DOCK10: variants seen among roughly 807,000 people sequenced by gnomAD.
The protein encoded by DOCK10 is dedicator of cytokinesis 10, also known as dedicator of cytokinesis protein 10.
Under a neutral mutation model 280.1 loss-of-function variants are expected in DOCK10, and 145 were observed. That is an observed-to-expected ratio of 0.52 (90% CI 0.45 to 0.59). The LOEUF is 0.59. Among genes scored for constraint, DOCK10 ranks in the 20% least tolerant of loss-of-function variants. DOCK10 has a pLI of 0.00. For synonymous variants in DOCK10, 915 were observed against 942.2 expected (o/e 0.97, Z 0.53); for missense variants, 2,368 against 2,651.7 (o/e 0.89, Z 2.35).
At chr2:224,843,400 G>A (rs1184853913) in intron 22 of DOCK10, among the ~76,000 whole-genome samples, 1 of 152,148 alleles carries the variant, frequency 6.6e-6, no homozygotes, top group Non-Finnish European at 1.5e-5. Flanking sequence ...AGAAACTGAG[G>A]AGCTGCTGAG....
intron 2 of DOCK10, among the ~76,000 whole-genome samples, chr2:224,921,096 A>ATATATATATATATAT: frequency 3.3e-5 from 1 of 29,972 alleles, no homozygotes; most frequent in Admixed American, 3.3e-4. Flanking sequence ...CTCTATTAAA[A>ATATATATATATATAT]AAAAAAAAAA....
intron 11 of DOCK10, among the ~76,000 whole-genome samples, chr2:224,867,258 C>T (rs920471891): frequency 7.2e-5 from 11 of 152,178 alleles, no homozygotes; most frequent in African/African-American, 1.9e-4. Context: ...AGTGAGAATG[C>T]GGGATCTCAT....
At chr2:224,844,557 G>A (rs1353878241) in intron 22 of DOCK10, among the ~76,000 whole-genome samples, 196 bp downstream of exon 22, 1 of 152,190 alleles carries the variant, frequency 6.6e-6, no homozygotes, top group African/African-American at 2.4e-5. Context: ...TGGTGTCTGG[G>A]CTTAAGGGAT....
At chr2:224,997,285 G>T (rs186180916) in intron 1 of DOCK10, among the ~76,000 whole-genome samples, 1 of 147,936 alleles carries the variant, frequency 6.8e-6, no homozygotes, top group African/African-American at 2.5e-5. Flanking sequence ...AGGCTGGAGT[G>T]CAATGGCATA....
At chr2:224,828,601 AG>A (rs1559504265) in intron 27 of DOCK10, among the ~76,000 whole-genome samples, 2 of 152,186 alleles carry the variant, frequency 1.3e-5, no homozygotes, top group Non-Finnish European at 2.9e-5. Flanking sequence ...TAAGAAGGTC[AG>A]GGGTGTTTCC....
intron 27 of DOCK10, among the ~76,000 whole-genome samples, chr2:224,829,829 G>A (rs1421268980): frequency 2.0e-5 from 3 of 152,132 alleles, no homozygotes; most frequent in Admixed American, 6.5e-5. Flanking sequence ...CTCCTGAAAA[G>A]CCATGGAAGG....
intron 16 of DOCK10, among the ~76,000 whole-genome samples, chr2:224,854,064 T>C (rs1160017024): frequency 1.3e-5 from 2 of 152,220 alleles, no homozygotes; most frequent in African/African-American, 4.8e-5. Flanking sequence ...AAAATGATTT[T>C]GAACCATGGC....
intron 27 of DOCK10, among the ~76,000 whole-genome samples, chr2:224,829,910 A>C (rs1695111612): frequency 6.6e-6 from 1 of 152,220 alleles, no homozygotes; most frequent in Non-Finnish European, 1.5e-5. Flanking sequence ...TGGGAACTGC[A>C]GGGAAGCAGA....
rs760806764 is a variant in DOCK10, at chr2:224,970,679, T to C, written c.124-39011A>G. ...GCATTCTGTATCTCCACAGCATCTG[T>C]TCTGCTCATAGCTTTACTCTACAGA... On this transcript the variant is annotated intron_variant, in intron 1 of 55. Coordinates refer to ENST00000258390, the MANE Select transcript of DOCK10 (RefSeq NM_014689.3). This position sits in a 1 kb window ranked among gnomAD's most constrained non-coding sequence, Gnocchi z 4.6. Among the ~76,000 whole-genome samples, 1 of 152,212 alleles carries C rather than the reference T, an allele frequency of 6.6e-6. No homozygotes were observed. The highest frequency in any genetic ancestry group is 1.9e-4 in the East Asian group (1 of 5,204).
chr2:224,864,820 A>G (rs781103685), intron 12 of DOCK10, 46 bp downstream of exon 12: 83 of 1,609,454 alleles, frequency 5.2e-5, no homozygotes, highest in Middle Eastern at 1.6e-4. Flanking sequence ...GGTAAGAATA[A>G]TGGTACAAGC....
At chr2:224,887,403 T>C (rs1007997568) in intron 4 of DOCK10, among the ~76,000 whole-genome samples, 3 of 152,186 alleles carry the variant, frequency 2.0e-5, no homozygotes, top group African/African-American at 7.2e-5. Context: ...TGCATTTCCA[T>C]GGTATCCTAG....
intron 1 of DOCK10, among the ~76,000 whole-genome samples, chr2:224,962,426 G>A (rs989133476): frequency 6.6e-6 from 1 of 152,160 alleles, no homozygotes; most frequent in Admixed American, 6.5e-5. Flanking sequence ...GGGAAAATAT[G>A]GAACATGAGA....
chr2:224,874,461 C>G, intron 9 of DOCK10, 112 bp from the exon 10 acceptor site: 1 of 941,764 alleles, frequency 1.1e-6, no homozygotes, highest in African/African-American at 1.7e-5. Context: ...TTAGTATTAC[C>G]CATTAACACT....
At chr2:224,966,275 A>C (rs1704735974) in intron 1 of DOCK10, among the ~76,000 whole-genome samples, 1 of 151,504 alleles carries the variant, frequency 6.6e-6, no homozygotes, top group Admixed American at 6.6e-5. Context: ...AGGAAAGCAC[A>C]ATTGGATGGT....
At chr2:224,843,443 A>G (rs890650019) in intron 22 of DOCK10, among the ~76,000 whole-genome samples, 1 of 152,146 alleles carries the variant, frequency 6.6e-6, no homozygotes, top group Non-Finnish European at 1.5e-5. Flanking sequence ...GTGGAGATTG[A>G]GTGTTTTGTG....
chr2:224,832,670 T>A (rs1695312992), intron 26 of DOCK10, among the ~76,000 whole-genome samples: 1 of 152,104 alleles, frequency 6.6e-6, no homozygotes. Context: ...TATGAATGAA[T>A]CCCAGGCACA....
At chr2:224,905,505 T>C (rs934588998) in intron 3 of DOCK10, among the ~76,000 whole-genome samples, 4 of 152,094 alleles carry the variant, frequency 2.6e-5, no homozygotes, top group Non-Finnish European at 5.9e-5. Flanking sequence ...CGCCTCGGCC[T>C]CCCAAAGTGC....
At chr2:224,820,064 GGA>G (rs1162415653) in intron 28 of DOCK10, among the ~76,000 whole-genome samples, 3 of 152,140 alleles carry the variant, frequency 2.0e-5, no homozygotes, top group Non-Finnish European at 4.4e-5. Context: ...GTCATAATGA[GGA>G]GTGGTAGAGA....
intron 21 of DOCK10, 141 bp downstream of exon 21, chr2:224,845,062 A>C: frequency 2.1e-6 from 2 of 957,266 alleles, no homozygotes; most frequent in Non-Finnish European, 3.1e-6. Flanking sequence ...AAGCTAAACA[A>C]GAGATGTGGC....
Sources: allele counts gnomAD v4.1 joint callset (sites outside exome capture counted in the v4.1 genomes callset), GRCh38; gene constraint gnomAD v4.1.1; non-coding constraint Gnocchi (gnomAD v3.1); transcripts MANE v1.5; gene names NCBI Gene and HGNC (gene_info 2026-07-23, HGNC 2026-07-21).